ZNF704: variants seen among roughly 807,000 people sequenced by gnomAD.
The protein encoded by ZNF704 is zinc finger protein 704, also known as glucocorticoid induced gene 1.
A neutral mutation model predicts 44.7 loss-of-function variants in ZNF704; 10 were observed. The observed-to-expected ratio is 0.22, with a 90% CI of 0.14 to 0.38. The LOEUF is 0.38. Ranked by LOEUF, ZNF704 falls within the 10% of genes least tolerant of loss-of-function variation. The pLI is 1.00. For missense variants in ZNF704, 390 were observed against 545.5 expected (o/e 0.71, Z 2.84); for synonymous variants, 211 against 207.6 (o/e 1.02, Z -0.14).
At chr8:80,712,366 A>C (rs1819000263) in intron 2 of ZNF704, among the ~76,000 whole-genome samples, 1 of 152,236 alleles carries the variant, frequency 6.6e-6, no homozygotes. Flanking sequence ...GTATTCTGTT[A>C]TAGCAATATA....
chr8:80,823,703 G>A (rs1808320330), intron 1 of ZNF704, among the ~76,000 whole-genome samples: 1 of 152,118 alleles, frequency 6.6e-6, no homozygotes, highest in South Asian at 2.1e-4. Context: ...ATACAGCTGG[G>A]TGCCCCTCTG....
intron 2 of ZNF704, among the ~76,000 whole-genome samples, chr8:80,788,447 A>C (rs572420217): frequency 1.3e-5 from 2 of 152,226 alleles, no homozygotes; most frequent in Non-Finnish European, 2.9e-5. Flanking sequence ...CTAAAAAATT[A>C]TATCTCCTAG....
chr8:80,683,545 T>C (rs750957562), intron 4 of ZNF704, among the ~76,000 whole-genome samples: 27 of 152,234 alleles, frequency 1.8e-4, no homozygotes, highest in Non-Finnish European at 1.5e-5. Context: ...CTGAATTAAC[T>C]TGGCCTCAAA....
chr8:80,852,873 T>C (rs890669140), intron 1 of ZNF704, among the ~76,000 whole-genome samples: 22 of 152,196 alleles, frequency 1.4e-4, no homozygotes, highest in African/African-American at 5.3e-4. Flanking sequence ...TAGCATGGTG[T>C]TTTGCATACC....
At chr8:80,770,607 T>C (rs1807303644) in intron 2 of ZNF704, among the ~76,000 whole-genome samples, 1 of 152,214 alleles carries the variant, frequency 6.6e-6, no homozygotes, top group Non-Finnish European at 1.5e-5. Flanking sequence ...ACTAGTCCTT[T>C]GTTAGGTATG....
intron 3 of ZNF704, among the ~76,000 whole-genome samples, chr8:80,692,739 G>A (rs1004137972): frequency 6.6e-6 from 1 of 152,146 alleles, no homozygotes; most frequent in African/African-American, 2.4e-5. Context: ...CTGCAAAGAC[G>A]TCCTGGCAAG....
chr8:80,858,111 C>T (rs1031144809), intron 1 of ZNF704, among the ~76,000 whole-genome samples: 1 of 152,030 alleles, frequency 6.6e-6, no homozygotes, highest in East Asian at 1.9e-4. Flanking sequence ...TCTATAGTAA[C>T]GTCCTTTCTT....
intron 2 of ZNF704, among the ~76,000 whole-genome samples, chr8:80,759,680 C>A (rs1485566813): frequency 6.6e-6 from 1 of 152,134 alleles, no homozygotes; most frequent in Non-Finnish European, 1.5e-5. Context: ...GTGGATCCTG[C>A]CAACAACCAC....
At chr8:80,869,350 C>A (rs1333265518) in intron 1 of ZNF704, among the ~76,000 whole-genome samples, 1 of 152,216 alleles carries the variant, frequency 6.6e-6, no homozygotes, top group Non-Finnish European at 1.5e-5. Context: ...CTCCCTAGTA[C>A]ATTTGCTCTC....
At chr8:80,730,447 G>A (rs1485177171) in intron 2 of ZNF704, among the ~76,000 whole-genome samples, 1 of 149,596 alleles carries the variant, frequency 6.7e-6, no homozygotes, top group Admixed American at 6.8e-5. Flanking sequence ...GCTGAGGCAG[G>A]AGAATCACTT....
At chr8:80,868,256 A>G (rs915037638) in intron 1 of ZNF704, among the ~76,000 whole-genome samples, 1 of 152,168 alleles carries the variant, frequency 6.6e-6, no homozygotes, top group East Asian at 1.9e-4. Context: ...CAGGACTGTT[A>G]CCACTGCAGA....
At chr8:80,879,261 G>A (rs1226933411), upstream of ZNF704, among the ~76,000 whole-genome samples, 1 of 150,134 alleles carries the variant, frequency 6.7e-6, no homozygotes, top group Non-Finnish European at 1.5e-5. Flanking sequence ...TTTTGAGATG[G>A]GGTCTCGCTC....
rs534708044 is a variant in ZNF704 at position 80,873,078 on chromosome 8, T to A, written c.-22+1493A>T. On this transcript the variant is annotated intron_variant, in intron 1 of 8. Transcript: ENST00000327835. The stretch of plus-strand genomic sequence containing the variant: ...TGGTTGGAAGAAGGGGCTGAGAGAT[T>A]GACAAGAAACACCGCTTTCTGGTTT... Among the ~76,000 whole-genome samples, 19 of 152,302 alleles carry A rather than the reference T, an allele frequency of 1.2e-4. No homozygotes were observed. In the East Asian group the frequency reaches 3.3e-3, roughly 26 times the overall value.
intron 2 of ZNF704, among the ~76,000 whole-genome samples, chr8:80,764,583 ACT>A (rs1373136038): frequency 2.0e-5 from 3 of 152,116 alleles, no homozygotes; most frequent in African/African-American, 4.8e-5. Flanking sequence ...TGTGTTTTTC[ACT>A]TGTGTTTTCA....
chr8:80,764,127 C>A (rs1215948632), intron 2 of ZNF704, among the ~76,000 whole-genome samples: 2 of 152,194 alleles, frequency 1.3e-5, no homozygotes, highest in East Asian at 1.9e-4. Flanking sequence ...TTACCCAGTT[C>A]CAAAGTTGCT....
chr8:80,643,516 CAAAAAAAAAAAA>C lies in ZNF704; in HGVS notation c.1033-399_1033-388del, dbSNP rs1174433192. Among the ~76,000 whole-genome samples, 9 of 23,392 alleles carry C rather than the reference CAAAAAAAAAAAA, an allele frequency of 3.8e-4. No individual in the cohort carries two copies. In the South Asian group the frequency reaches 0.012, roughly 31 times the overall value. 15.3% of individuals were successfully genotyped at this position (23,392 alleles called of 152,430 possible). A position where few individuals can be genotyped will look rare whatever the true frequency, so the allele number is the denominator to read the frequency against. The stretch of plus-strand genomic sequence containing the variant: ...TGGGTGACAGAGTGAGATCCTGTCT[CAAAAAAAAAAAA>C]AAAAAAAAAAAAAAAAGAAGCAGAG... On this transcript the variant is annotated intron_variant, in intron 7 of 8. Transcript: ENST00000327835.
chr8:80,863,632 T>G (rs1481483997), intron 1 of ZNF704, among the ~76,000 whole-genome samples: 1 of 152,212 alleles, frequency 6.6e-6, no homozygotes, highest in Non-Finnish European at 1.5e-5. Flanking sequence ...TCAAGTAAGG[T>G]TGGCTATGAG....
At chr8:80,648,937 C>T (rs532644742) in intron 7 of ZNF704, among the ~76,000 whole-genome samples, 6 of 152,238 alleles carry the variant, frequency 3.9e-5, no homozygotes, top group South Asian at 4.2e-4. Flanking sequence ...CCTGCCATAT[C>T]GTTGATGTAA....
intron 1 of ZNF704, among the ~76,000 whole-genome samples, chr8:80,861,171 A>G (rs920026903): frequency 1.3e-4 from 20 of 152,234 alleles, no homozygotes; most frequent in African/African-American, 4.1e-4. Flanking sequence ...ACAAAAAGAA[A>G]GAGTGAGGAA....
Sources: allele counts gnomAD v4.1 joint callset (sites outside exome capture counted in the v4.1 genomes callset), GRCh38; gene constraint gnomAD v4.1.1; transcripts MANE v1.5; gene names NCBI Gene and HGNC (gene_info 2026-07-23, HGNC 2026-07-21).